RBM47: variants seen among roughly 807,000 people sequenced by gnomAD.
RBM47 encodes RNA-binding protein 47.
A neutral mutation model predicts 47.1 loss-of-function variants in RBM47; 21 were observed. That is an observed-to-expected ratio of 0.45 (90% CI 0.32 to 0.64). The LOEUF (loss-of-function observed/expected upper bound fraction) is 0.64, where lower values mean the gene tolerates loss of function less well. Among genes scored for constraint, RBM47 ranks in the 30% least tolerant of loss-of-function variants. RBM47 has a pLI of 0.05. For missense variants in RBM47, 708 were observed against 870.9 expected, an observed-to-expected ratio of 0.81 and a Z score of 2.35; for synonymous variants, 375 against 361.7, an observed-to-expected ratio of 1.04 and a Z score of -0.42.
chr4:40,443,673 C>T (rs767830879), intron 3 of RBM47, among the ~76,000 whole-genome samples: 1 of 124,400 alleles, frequency 8.0e-6, no homozygotes, highest in Admixed American at 1.0e-4. Context: ...GCTGAGATGG[C>T]GCCATTGCAC....
chr4:40,487,425 G>A (rs1364214145), intron 2 of RBM47, among the ~76,000 whole-genome samples: 1 of 152,122 alleles, frequency 6.6e-6, no homozygotes, highest in Non-Finnish European at 1.5e-5. Context: ...GAGTAGCTGG[G>A]TCTACAGGTG....
intron 1 of RBM47, among the ~76,000 whole-genome samples, chr4:40,616,954 C>T (rs573299473): frequency 2.4e-4 from 35 of 147,826 alleles, no homozygotes; most frequent in African/African-American, 8.8e-4. Context: ...TGGCTCACTG[C>T]AACCTCCGCC....
intron 2 of RBM47, among the ~76,000 whole-genome samples, chr4:40,492,925 C>T (rs567396640): frequency 6.6e-6 from 1 of 152,212 alleles, no homozygotes; most frequent in African/African-American, 2.4e-5. Flanking sequence ...GCATCTTCCC[C>T]TTCTGCTTCC....
In RBM47 at chr4:40,436,481, T is replaced by C. The variant is rs1241637095; in HGVS notation, c.1290A>G (p.Glu430=). 1 of 1,614,016 alleles carries C rather than the reference T, an allele frequency of 6.2e-7. No individual in the cohort carries two copies. The highest frequency in any genetic ancestry group is 8.5e-7 in the Non-Finnish European group (1 of 1,180,036). ...TGGCAACTGGGTTGACGGTAGGGAT[T>C]TCCAAATTCGGCACCAGTTCATATC... ...EKGYELVPNL[E]IPTVNPVAIK... Residue 430 remains glutamate (E), a synonymous_variant, in exon 5 of 7, where the codon GAA becomes GAG. Coordinates refer to ENST00000295971, the MANE Select transcript of RBM47 (RefSeq NM_001098634.2).
At chr4:40,510,648 CTGAA>C (rs1724802150) in intron 2 of RBM47, among the ~76,000 whole-genome samples, 3 of 152,088 alleles carry the variant, frequency 2.0e-5, no homozygotes, top group Admixed American at 2.0e-4. Context: ...TAAGTACTGA[CTGAA>C]TGAATGAGTC....
At chr4:40,490,171 C>T (rs1224124301) in intron 2 of RBM47, among the ~76,000 whole-genome samples, 1 of 152,060 alleles carries the variant, frequency 6.6e-6, no homozygotes, top group African/African-American at 2.4e-5. Flanking sequence ...ATGACTAATA[C>T]ACTTAATGTG....
chr4:40,439,839 G>A (rs1313077288), intron 3 of RBM47, among the ~76,000 whole-genome samples: 1 of 152,190 alleles, frequency 6.6e-6, no homozygotes, highest in Non-Finnish European at 1.5e-5. Flanking sequence ...AAGTTTTCTG[G>A]CTCCAGATTC....
At chr4:40,505,212 G>A (rs1429461712) in intron 2 of RBM47, among the ~76,000 whole-genome samples, 1 of 151,956 alleles carries the variant, frequency 6.6e-6, no homozygotes, top group Non-Finnish European at 1.5e-5. Context: ...AAACAGGCTG[G>A]GCACTGTGGC....
intron 1 of RBM47, among the ~76,000 whole-genome samples, chr4:40,589,651 C>G (rs906054554): frequency 2.6e-5 from 4 of 152,168 alleles, no homozygotes; most frequent in African/African-American, 9.7e-5. Context: ...GTTGGCTAGG[C>G]TGGTCTCGAA....
intron 2 of RBM47, among the ~76,000 whole-genome samples, chr4:40,527,388 G>A (rs554840465): frequency 2.7e-5 from 4 of 149,464 alleles, no homozygotes; most frequent in Admixed American, 6.7e-5. Context: ...CCAGATTCAA[G>A]CGATCCTCCT....
chr4:40,461,298 T>A (rs1717111673), intron 3 of RBM47, among the ~76,000 whole-genome samples: 1 of 152,194 alleles, frequency 6.6e-6, no homozygotes, highest in Non-Finnish European at 1.5e-5. Flanking sequence ...ACGCCCAGAT[T>A]TGAGCTAATC....
chr4:40,554,711 G>A (rs1302908591), intron 1 of RBM47, among the ~76,000 whole-genome samples: 5 of 151,720 alleles, frequency 3.3e-5, no homozygotes, highest in Non-Finnish European at 7.4e-5. Flanking sequence ...AGCAAAATCC[G>A]ACGCTCTAGT....
chr4:40,521,566 A>G (rs1726192729), intron 2 of RBM47, among the ~76,000 whole-genome samples: 1 of 152,234 alleles, frequency 6.6e-6, no homozygotes, highest in African/African-American at 2.4e-5. Context: ...TGAAACAGAA[A>G]GTATGATAAA....
At chr4:40,449,912 C>T (rs1217733255) in intron 3 of RBM47, among the ~76,000 whole-genome samples, 2 of 152,052 alleles carry the variant, frequency 1.3e-5, no homozygotes, top group Admixed American at 6.6e-5. Context: ...GAACTCCTGG[C>T]CTCAAATGAT....
At chr4:40,532,961 G>A (rs1727558656) in intron 2 of RBM47, among the ~76,000 whole-genome samples, 1 of 152,122 alleles carries the variant, frequency 6.6e-6, no homozygotes, top group Non-Finnish European at 1.5e-5. Flanking sequence ...AGGATCTGTA[G>A]CTGTAGTTCA....
At chr4:40,561,770 G>A (rs1411590404) in intron 1 of RBM47, among the ~76,000 whole-genome samples, 2 of 151,870 alleles carry the variant, frequency 1.3e-5, no homozygotes, top group African/African-American at 2.4e-5. Flanking sequence ...AGCTGGTCTC[G>A]AACTCCTGCG....
intron 2 of RBM47, among the ~76,000 whole-genome samples, chr4:40,507,232 C>T (rs1182585057): frequency 6.6e-6 from 1 of 152,046 alleles, no homozygotes; most frequent in African/African-American, 2.4e-5. Flanking sequence ...GCTGGGATTA[C>T]AGGCATAAGC....
At chr4:40,496,363 CA>C (rs1491034342) in intron 2 of RBM47, among the ~76,000 whole-genome samples, 25 of 93,826 alleles carry the variant, frequency 2.7e-4, no homozygotes, top group African/African-American at 7.7e-4. Context: ...CACACACACA[CA>C]AAGAGAGAAA....
intron 1 of RBM47, among the ~76,000 whole-genome samples, chr4:40,575,795 A>G (rs1417826658): frequency 6.6e-6 from 1 of 152,222 alleles, no homozygotes. Context: ...ATATTTGGTC[A>G]TCTGGAATTT....
Sources: gnomAD v4.1 joint callset for allele counts (sites outside exome capture counted in the v4.1 genomes callset) on GRCh38, gnomAD v4.1.1 for gene constraint, MANE v1.5 for transcripts, NCBI Gene and HGNC (gene_info 2026-07-23, HGNC 2026-07-21) for gene names.